Variants in RAB3GAP2 observed in about 807,000 individuals in gnomAD.
RAB3GAP2 encodes the protein RAB3 GTPase activating non-catalytic protein subunit 2, also known as rab3 GTPase-activating protein non-catalytic subunit.
Under a neutral mutation model 185.3 loss-of-function variants are expected in RAB3GAP2, and 87 were observed. The ratio of observed to expected loss-of-function variants is 0.47; its 90% CI spans 0.39 to 0.56. The LOEUF (loss-of-function observed/expected upper bound fraction) is 0.56. Ranked by LOEUF, RAB3GAP2 falls within the 20% of genes least tolerant of loss-of-function variation. The pLI, the probability that RAB3GAP2 is intolerant of heterozygous loss-of-function variation, is 0.00. For synonymous variants in RAB3GAP2, 554 were observed against 576.1 expected (o/e 0.96, Z 0.55); for missense variants, 1,492 against 1,638.2 (o/e 0.91, Z 1.54).
intron 2 of RAB3GAP2, among the ~76,000 whole-genome samples, chr1:220,215,112 C>T (rs932331097): frequency 2.0e-5 from 3 of 151,558 alleles, no homozygotes; most frequent in East Asian, 3.9e-4. Flanking sequence ...AACCAGTTCC[C>T]GATATGCGTG....
Position 220,148,539 on chromosome 1 carries a change from T to C in RAB3GAP2, c.*2712A>G, listed in dbSNP as rs1210780266. ...TGAGAGAGGGCTTTTGCTGTTGCTA[T>C]AGTGTACTGTAAAAATATTTGTTCC... On this transcript the variant is annotated 3_prime_UTR_variant, in exon 35 of 35. Transcript: ENST00000358951. The C allele has an allele frequency of 2.0e-5, 3 of 152,164 alleles. No individual in the cohort carries two copies. The highest frequency in any genetic ancestry group is 7.2e-5 in the African/African-American group (3 of 41,424). 9.4% of individuals were successfully genotyped at this position (152,164 alleles called of 1,614,324 possible).
At chr1:220,213,707 G>A in intron 3 of RAB3GAP2, 149 bp downstream of exon 3, 1 of 722,708 alleles carries the variant, frequency 1.4e-6, no homozygotes, top group South Asian at 1.7e-5. Context: ...TGGAGAGGGA[G>A]GGAGGGAGGG....
chr1:220,235,785 C>A lies in RAB3GAP2; in HGVS notation c.116-2922G>T, dbSNP rs187540665. On this transcript the variant is annotated intron_variant, in intron 1 of 34. Transcript: ENST00000358951. ...GACAGCAGTAATTTGGATTTCCTAC[C>A]CCTGCAGAGACCCAGTATCTCTCTA... Among the ~76,000 whole-genome samples the A allele has an allele frequency of 8.5e-3, 1,297 of 152,216 alleles. 3 individuals carry two copies. The highest frequency in any genetic ancestry group is 0.017 in the Middle Eastern group (5 of 294).
chr1:220,199,593 A>G (rs1002673047), intron 9 of RAB3GAP2, among the ~76,000 whole-genome samples: 1 of 152,158 alleles, frequency 6.6e-6, no homozygotes, highest in Admixed American at 6.5e-5. Flanking sequence ...TCTCATGTCC[A>G]ATTCGTATAC....
intron 27 of RAB3GAP2, among the ~76,000 whole-genome samples, chr1:220,163,604 C>T (rs1207455289): frequency 6.0e-5 from 9 of 151,088 alleles, no homozygotes; most frequent in Non-Finnish European, 8.9e-5. Context: ...CCTCGTGATC[C>T]GCCCGCCTCG....
At chr1:220,190,842 A>C (rs1367836341) in intron 14 of RAB3GAP2, among the ~76,000 whole-genome samples, 1 of 152,136 alleles carries the variant, frequency 6.6e-6, no homozygotes. Flanking sequence ...AAACATTAGC[A>C]ACAAGCTAAC....
chr1:220,266,650 C>T (rs191743749), intron 1 of RAB3GAP2: 2 of 1,425,388 alleles, frequency 1.4e-6, no homozygotes, highest in East Asian at 4.6e-5. Context: ...GTAGCATGTT[C>T]CTGAGAGGTT....
Position 220,183,801 on chromosome 1 carries a change from T to C in RAB3GAP2, c.1998+235A>G, listed in dbSNP as rs578251151. On this transcript the variant is annotated intron_variant, in intron 19 of 34. Coordinates refer to ENST00000358951, the MANE Select transcript of RAB3GAP2 (RefSeq NM_012414.4). ...TCAAACTATTTTTATATACTATATGTACAAAAACATATCATGGCTGGGCAT... is the reference window on the plus strand; with the variant it reads ...TCAAACTATTTTTATATACTATATGCACAAAAACATATCATGGCTGGGCAT... Among the ~76,000 whole-genome samples, 6 of 152,236 alleles carry C rather than the reference T, an allele frequency of 3.9e-5. No homozygotes were observed. In the East Asian group the frequency reaches 1.2e-3, roughly 29 times the overall value.
chr1:220,168,530 T>C (rs908528122), intron 24 of RAB3GAP2, among the ~76,000 whole-genome samples: 2 of 152,124 alleles, frequency 1.3e-5, no homozygotes, highest in African/African-American at 4.8e-5. Flanking sequence ...CCCAAGTAGC[T>C]TGGATTACAT....
rs1393886466 is a variant in RAB3GAP2 at position 220,179,205 on chromosome 1, T to C, written c.2310+3052A>G. 8.6e-5 allele frequency among the ~76,000 whole-genome samples: 11 copies of C among 127,856 alleles called. No individual in the cohort carries two copies. In the Admixed American group the frequency reaches 1.0e-3, roughly 12 times the overall value. 83.9% of individuals were successfully genotyped at this position (127,856 alleles called of 152,430 possible). A position where few individuals can be genotyped will look rare whatever the true frequency, so the allele number is the denominator to read the frequency against. The stretch of plus-strand genomic sequence containing the variant: ...TAGAGGTTGCAGTGAGCCGAGATCA[T>C]GACACTGCACTCCCGCCTGGGCGAC... On this transcript the variant is annotated intron_variant, in intron 21 of 34. Transcript: ENST00000358951.
chr1:220,267,361 G>C (rs1660246907), intron 1 of RAB3GAP2: 1 of 1,183,748 alleles, frequency 8.4e-7, no homozygotes, highest in Non-Finnish European at 1.3e-6. Flanking sequence ...TTGGAGGTGG[G>C]ACTGTATTTC....
chr1:220,185,954 A>G (rs1658500541), intron 17 of RAB3GAP2, among the ~76,000 whole-genome samples: 1 of 152,218 alleles, frequency 6.6e-6, no homozygotes, highest in African/African-American at 2.4e-5. Context: ...TAAATGACAA[A>G]AATCCAGGCT....
At chr1:220,226,898 C>T (rs1659412890) in intron 2 of RAB3GAP2, among the ~76,000 whole-genome samples, 1 of 151,968 alleles carries the variant, frequency 6.6e-6, no homozygotes, top group Admixed American at 6.6e-5. Context: ...CTGGTGTCCT[C>T]ATAAGAGGAA....
intron 1 of RAB3GAP2, among the ~76,000 whole-genome samples, chr1:220,237,042 G>A (rs545234129): frequency 3.0e-4 from 45 of 152,268 alleles, no homozygotes; most frequent in African/African-American, 1.0e-3. Flanking sequence ...TTTCTTAGAA[G>A]AATAAATAGA....
At chr1:220,233,422 C>T (rs1008629963) in intron 1 of RAB3GAP2, among the ~76,000 whole-genome samples, 10 of 152,088 alleles carry the variant, frequency 6.6e-5, no homozygotes, top group Non-Finnish European at 1.0e-4. Flanking sequence ...GAAAATAAGA[C>T]GGTCAACAAC....
intron 21 of RAB3GAP2, among the ~76,000 whole-genome samples, chr1:220,179,717 T>C (rs1448866768): frequency 6.6e-6 from 1 of 152,126 alleles, no homozygotes; most frequent in Admixed American, 6.5e-5. Flanking sequence ...AAGAGGAACT[T>C]TGGAAACTGC....
intron 23 of RAB3GAP2, 85 bp from the exon 24 acceptor site, chr1:220,171,205 G>T: frequency 3.6e-6 from 4 of 1,099,636 alleles, no homozygotes; most frequent in Non-Finnish European, 5.5e-6. Context: ...AAAGCTGATG[G>T]ATACTGAGGA....
At chr1:220,174,161 C>T (rs1025322403) in intron 21 of RAB3GAP2, among the ~76,000 whole-genome samples, 10 of 152,038 alleles carry the variant, frequency 6.6e-5, no homozygotes, top group African/African-American at 2.4e-4. Flanking sequence ...TTTCTCTTCT[C>T]CCCCTTTAAA....
At position 220,250,174 on chromosome 1, in the gene RAB3GAP2, G is replaced by C. The variant is rs191269457; in HGVS notation, c.116-17311C>G. Among the ~76,000 whole-genome samples the C allele has an allele frequency of 1.2e-4, 18 of 152,302 alleles. No homozygotes were observed. The East Asian group carries it at 3.3e-3, about 28-fold the overall frequency. On this transcript the variant is annotated intron_variant, in intron 1 of 34. Transcript: ENST00000358951. Reference sequence around the variant, plus strand: ...AGCCATGAAGGAGGCCTGGAGGAAGGCTGTACCCTGCAAAGCCACAGGGGG... The same window carrying C: ...AGCCATGAAGGAGGCCTGGAGGAAGCCTGTACCCTGCAAAGCCACAGGGGG...
Sources: allele counts gnomAD v4.1 joint callset (sites outside exome capture counted in the v4.1 genomes callset), GRCh38; gene constraint gnomAD v4.1.1; transcripts MANE v1.5; gene names NCBI Gene and HGNC (gene_info 2026-07-23, HGNC 2026-07-21).